Variants in EXOC1 observed in about 807,000 individuals in gnomAD.
EXOC1 encodes SEC3-like 1.
In EXOC1, 67 loss-of-function variants were observed where a neutral mutation model predicts 107.7. That is an observed-to-expected ratio of 0.62 (90% confidence interval 0.51 to 0.76). EXOC1 has a LOEUF of 0.76. Ranked by LOEUF, EXOC1 falls within the 30% of genes least tolerant of loss-of-function variation. The pLI is 0.00. For synonymous variants in EXOC1, 348 were observed against 353.5 expected, an observed-to-expected ratio of 0.98 and a Z score of 0.17; for missense variants, 833 against 1,055.7, an observed-to-expected ratio of 0.79 and a Z score of 2.92.
intron 11 of EXOC1, among the ~76,000 whole-genome samples, chr4:55,889,244 A>G (rs1724239823): frequency 1.3e-5 from 2 of 152,238 alleles, no homozygotes; most frequent in South Asian, 2.1e-4. Context: ...ATTTTACATA[A>G]TGAAGCCAAA....
intron 15 of EXOC1, among the ~76,000 whole-genome samples, chr4:55,895,599 A>G (rs1395484879): frequency 6.6e-6 from 1 of 152,174 alleles, no homozygotes; most frequent in Non-Finnish European, 1.5e-5. Flanking sequence ...TACTCCCCAA[A>G]TCTCAACACA....
intron 14 of EXOC1, among the ~76,000 whole-genome samples, chr4:55,893,159 A>G (rs1444223228): frequency 6.6e-6 from 1 of 152,134 alleles, no homozygotes; most frequent in Non-Finnish European, 1.5e-5. Context: ...TCTGCTGCCC[A>G]GGCTGGAATG....
intron 10 of EXOC1, among the ~76,000 whole-genome samples, chr4:55,884,518 T>G (rs1723690634): frequency 6.6e-6 from 1 of 152,220 alleles, no homozygotes; most frequent in African/African-American, 2.4e-5. Context: ...TTTTTGTTGT[T>G]TATAAGTATT....
In EXOC1 at chr4:55,872,863, A is replaced by G. The variant is rs538528588; in HGVS notation, c.1074+905A>G. The G allele has an allele frequency of 3.2e-5, 23 of 720,950 alleles. No homozygotes were observed. In the South Asian group the frequency reaches 1.2e-3, roughly 38 times the overall value. The allele number at this position is 720,950 out of a possible 1,614,324, so 44.7% of individuals were successfully genotyped here. ...TCTGATTCTGTTTTTTTTTTTCTAT[A>G]AAGTTTGCTAAACTTAACAGCAGCC... is the stretch of plus-strand genomic sequence containing the variant. On this transcript the variant is annotated intron_variant, in intron 8 of 18. Transcript: ENST00000381295.
chr4:55,877,232 A>G (rs906715734), intron 8 of EXOC1: 1 of 985,394 alleles, frequency 1.0e-6, no homozygotes, highest in Admixed American at 6.1e-5. Context: ...ACTAGCTCCA[A>G]AACTCTAGCA....
intron 4 of EXOC1, among the ~76,000 whole-genome samples, chr4:55,867,915 GA>G (rs1294585676): frequency 1.3e-5 from 2 of 151,964 alleles, no homozygotes; most frequent in Admixed American, 6.6e-5. Flanking sequence ...TTTCACCTGG[GA>G]AAAAAAGGAA....
chr4:55,897,024 C>A, intron 16 of EXOC1, 124 bp downstream of exon 16: 2 of 728,762 alleles, frequency 2.7e-6, no homozygotes, highest in East Asian at 3.5e-5. Flanking sequence ...GGTTTTCTAA[C>A]ATTAAAGATT....
chr4:55,892,419 A>G (rs1465913558), intron 13 of EXOC1, among the ~76,000 whole-genome samples: 3 of 152,136 alleles, frequency 2.0e-5, no homozygotes, highest in African/African-American at 7.2e-5. Context: ...TCACCCCACA[A>G]AAGTTCTTGG....
Position 55,893,732 on chromosome 4 carries a change from A to G in EXOC1, c.1905A>G (p.Thr635=), listed in dbSNP as rs752491798. The change falls in exon 15 of 19, where the codon ACA becomes ACG. Residue 635 remains threonine, a synonymous_variant. Transcript: ENST00000381295. ...ACCCTGCTTCTTTCCTAAGTACTAC[A>G]TTGGGAAATGTTTTGGTGACTGTCA... ...NVDPASFLST[T]LGNVLVTVKR... is the part of the protein sequence containing the mutation. 5 of 1,614,082 alleles carry G rather than the reference A, an allele frequency of 3.1e-6. No homozygotes were observed. The highest frequency in any genetic ancestry group is 2.7e-5 in the African/African-American group (2 of 75,048).
rs1722350358 is a variant in EXOC1, at chr4:55,870,725, G to A, written c.651G>A (p.Leu217=). 6.2e-7 allele frequency: 1 copy of A among 1,613,722 alleles called. No individual in the cohort carries two copies. The highest frequency in any genetic ancestry group is 1.1e-5 in the South Asian group (1 of 91,076). The part of the protein sequence containing the change: ...IMASEKQVNI[L]MKLLDEALKE... The stretch of plus-strand genomic sequence containing the variant: ...CATCTGAAAAACAAGTCAACATCCT[G>A]ATGAAATTGCTAGATGAGGCTCTAA... The change falls in exon 6 of 19, where the codon CTG becomes CTA. Residue 217 remains leucine, a synonymous_variant. Transcript: ENST00000381295.
intron 10 of EXOC1, chr4:55,885,534 G>C (rs1237520069): frequency 6.6e-6 from 1 of 152,098 alleles, no homozygotes; most frequent in Non-Finnish European, 1.5e-5. Context: ...TCTATTAAAT[G>C]TGTCTATTAA....
intron 1 of EXOC1, 48 bp from the exon 2 acceptor site, chr4:55,858,266 G>T (rs572740925): frequency 9.4e-5 from 142 of 1,503,340 alleles, no homozygotes; most frequent in Non-Finnish European, 1.2e-4. Context: ...AGTATAAGAT[G>T]GAATGATGTT....
chr4:55,868,878 G>C (rs1003142325), intron 5 of EXOC1: 1 of 167,518 alleles, frequency 6.0e-6, no homozygotes, highest in Non-Finnish European at 1.3e-5. Flanking sequence ...GTATGTGTGT[G>C]GTTTGAAAAA....
intron 18 of EXOC1, among the ~76,000 whole-genome samples, 183 bp from the exon 19 acceptor site, chr4:55,904,160 T>C (rs1726350436): frequency 6.6e-6 from 1 of 151,488 alleles, no homozygotes; most frequent in Admixed American, 6.6e-5. Context: ...CATAGAGCAG[T>C]GATGTCATGT....
chr4:55,883,840 A>G lies in EXOC1; in HGVS notation c.1242A>G (p.Leu414=), dbSNP rs373380748. The G allele has an allele frequency of 6.3e-7, 1 of 1,595,340 alleles. No individual in the cohort carries two copies. The highest frequency in any genetic ancestry group is 8.5e-7 in the Non-Finnish European group (1 of 1,170,510). Residue 414 remains leucine, a synonymous_variant, in exon 10 of 19, where the codon TTA becomes TTG. Coordinates refer to ENST00000381295, the MANE Select transcript of EXOC1 (RefSeq NM_001024924.2). ...EGLTKNYMDY[L]SRLYEREIKD... is the part of the protein sequence containing the mutation. ...ATTTTAAGAATTACATGGATTATTT[A>G]TCCCGACTATATGAAAGAGAAATCA...
intron 8 of EXOC1, chr4:55,877,201 A>G: frequency 1.0e-6 from 1 of 985,294 alleles, no homozygotes; most frequent in Non-Finnish European, 1.2e-6. Context: ...GCTTTAGGTA[A>G]CCTTATCAGG....
chr4:55,904,300 T>C, intron 18 of EXOC1, 43 bp from the exon 19 acceptor site: 5 of 1,547,418 alleles, frequency 3.2e-6, no homozygotes, highest in Non-Finnish European at 4.4e-6. Context: ...AGATTACATA[T>C]TATTTCCATT....
chr4:55,864,571 T>G (rs1377341132), intron 4 of EXOC1, among the ~76,000 whole-genome samples, 185 bp downstream of exon 4: 1 of 152,212 alleles, frequency 6.6e-6, no homozygotes, highest in Non-Finnish European at 1.5e-5. Context: ...GATAAATAAA[T>G]AAAAACCACT....
At chr4:55,891,231 G>A in intron 12 of EXOC1, 84 bp from the exon 13 acceptor site, 1 of 823,852 alleles carries the variant, frequency 1.2e-6, no homozygotes, top group Non-Finnish European at 2.1e-6. Flanking sequence ...CATGGTCTGT[G>A]CAGAAAAGAA....
Sources: gnomAD v4.1 joint callset for allele counts (sites outside exome capture counted in the v4.1 genomes callset) on GRCh38, gnomAD v4.1.1 for gene constraint, MANE v1.5 for transcripts, NCBI Gene and HGNC (gene_info 2026-07-23, HGNC 2026-07-21) for gene names.